ANKS1B: variants seen among roughly 807,000 people sequenced by gnomAD.
The protein encoded by ANKS1B is ankyrin repeat and sterile alpha motif domain containing 1B.
ANKS1B carries 36 observed loss-of-function variants against 148.3 expected under a neutral mutation model. The observed-to-expected ratio is 0.24, with a 90% CI of 0.19 to 0.32. The LOEUF (loss-of-function observed/expected upper bound fraction) is 0.32. Ranked by LOEUF, ANKS1B falls within the 10% of genes least tolerant of loss-of-function variation. The probability of loss-of-function intolerance (pLI) is 1.00; values close to 1 mark genes in which losing one functional copy is unlikely to be tolerated. For synonymous variants in ANKS1B, 542 were observed against 560.8 expected, an observed-to-expected ratio of 0.97 and a Z score of 0.47; for missense variants, 1,157 against 1,542.6, an observed-to-expected ratio of 0.75 and a Z score of 4.19.
chr12:99,974,393 C>A (rs903884359), intron 1 of ANKS1B, among the ~76,000 whole-genome samples: 4 of 152,102 alleles, frequency 2.6e-5, no homozygotes, highest in Non-Finnish European at 5.9e-5. Flanking sequence ...TATGCCTGTA[C>A]ATCTAAGTAA....
At chr12:99,161,535 A>C (rs536257520) in intron 14 of ANKS1B, among the ~76,000 whole-genome samples, 3 of 152,226 alleles carry the variant, frequency 2.0e-5, no homozygotes, top group South Asian at 2.1e-4. Flanking sequence ...CCAAACCAAA[A>C]CAAAAAAATC....
intron 4 of ANKS1B, among the ~76,000 whole-genome samples, chr12:99,783,664 T>C (rs1165740394): frequency 3.9e-5 from 6 of 152,082 alleles, no homozygotes; most frequent in African/African-American, 7.2e-5. Flanking sequence ...CACATATGTG[T>C]GAGCTAAAAA....
intron 1 of ANKS1B, among the ~76,000 whole-genome samples, chr12:99,961,373 G>A (rs967845035): frequency 6.6e-6 from 1 of 152,140 alleles, no homozygotes; most frequent in African/African-American, 2.4e-5. Context: ...TCACAAAATC[G>A]CTGAGGTAAT....
At chr12:98,759,495 T>C (rs1293532937) in intron 25 of ANKS1B, among the ~76,000 whole-genome samples, 3 of 152,174 alleles carry the variant, frequency 2.0e-5, no homozygotes, top group African/African-American at 7.2e-5. Flanking sequence ...AGCATATTCA[T>C]CGGTCTAGTA....
chr12:99,766,135 T>C (rs1004189223), intron 8 of ANKS1B, among the ~76,000 whole-genome samples: 3 of 152,218 alleles, frequency 2.0e-5, no homozygotes, highest in Admixed American at 6.5e-5. Flanking sequence ...CAAGAACATA[T>C]ACACTTTTAT....
chr12:99,737,583 A>C (rs1480215403), intron 8 of ANKS1B, among the ~76,000 whole-genome samples: 1 of 152,024 alleles, frequency 6.6e-6, no homozygotes, highest in Non-Finnish European at 1.5e-5. Context: ...TCCATTGCCT[A>C]GAGGATAAGG....
intron 11 of ANKS1B, among the ~76,000 whole-genome samples, chr12:99,434,199 C>G (rs775384791): frequency 3.3e-5 from 5 of 152,048 alleles, no homozygotes; most frequent in Non-Finnish European, 5.9e-5. Flanking sequence ...GCACCCTGTG[C>G]TGTCAATAAT....
intron 1 of ANKS1B, among the ~76,000 whole-genome samples, chr12:99,937,041 T>G (rs2094794453): frequency 6.6e-6 from 1 of 152,156 alleles, no homozygotes; most frequent in African/African-American, 2.4e-5. Flanking sequence ...TCCCTTAACC[T>G]TAGGCCTAGT....
intron 15 of ANKS1B, among the ~76,000 whole-genome samples, chr12:99,086,707 C>G (rs981111525): frequency 6.6e-6 from 1 of 151,966 alleles, no homozygotes; most frequent in Non-Finnish European, 1.5e-5. Context: ...TCATTTTATC[C>G]CTAGATTTTA....
chr12:99,293,909 C>T lies in ANKS1B; in HGVS notation c.1757-47045G>A, dbSNP rs2724195. On this transcript the variant is annotated intron_variant, in intron 12 of 26. Coordinates refer to ENST00000683438, the MANE Select transcript of ANKS1B (RefSeq NM_001352186.2). ...CAAAAGAAGACATACAAACAGCAAGCGAGTATGTGAAAAGATACTCAACAA... is the reference window on the plus strand; with the variant it reads ...CAAAAGAAGACATACAAACAGCAAGTGAGTATGTGAAAAGATACTCAACAA... 2.3e-3 allele frequency among the ~76,000 whole-genome samples: 345 copies of T among 152,142 alleles called. 2 individuals are homozygous for T. The highest frequency in any genetic ancestry group is 6.1e-3 in the Admixed American group (93 of 15,266).
intron 1 of ANKS1B, among the ~76,000 whole-genome samples, chr12:99,919,316 A>T (rs2094275910): frequency 6.6e-6 from 1 of 152,190 alleles, no homozygotes; most frequent in Non-Finnish European, 1.5e-5. Flanking sequence ...GAAGAAAAAA[A>T]GATTGAAGTA....
chr12:99,084,105 A>G (rs527825401), intron 16 of ANKS1B, among the ~76,000 whole-genome samples: 6 of 152,280 alleles, frequency 3.9e-5, no homozygotes, highest in African/African-American at 1.4e-4. Flanking sequence ...GGGCCTATAC[A>G]TGAACTATAA....
chr12:99,812,350 C>G (rs1565776116), intron 2 of ANKS1B, 39 bp from the exon 3 acceptor site: 1 of 1,590,532 alleles, frequency 6.3e-7, no homozygotes, highest in Admixed American at 1.7e-5. Context: ...ATAGGCTGAG[C>G]AAGACAAACT....
intron 9 of ANKS1B, among the ~76,000 whole-genome samples, chr12:99,591,632 C>A (rs778551882): frequency 3.3e-5 from 5 of 152,088 alleles, no homozygotes; most frequent in Admixed American, 6.6e-5. Context: ...TGTAAAATTG[C>A]CACTCTGGTT....
chr12:98,941,420 G>C (rs73382442), intron 17 of ANKS1B, among the ~76,000 whole-genome samples: 9,398 of 152,252 alleles, frequency 0.062, 650 homozygotes, highest in African/African-American at 0.16. Context: ...CTTGTTTACA[G>C]TATGAGAGCT....
chr12:99,464,846 G>C (rs12308878), intron 10 of ANKS1B, among the ~76,000 whole-genome samples: 6,662 of 152,272 alleles, frequency 0.044, 504 homozygotes, highest in African/African-American at 0.15. Context: ...GGGGAGAATG[G>C]AACCAAGTTG....
intron 8 of ANKS1B, among the ~76,000 whole-genome samples, chr12:99,714,694 G>T (rs906358224): frequency 2.0e-5 from 3 of 152,042 alleles, no homozygotes; most frequent in South Asian, 2.1e-4. Context: ...ACCAGCCTTT[G>T]CCCTGTCTTG....
chr12:98,944,847 T>C (rs1306112001), intron 17 of ANKS1B, among the ~76,000 whole-genome samples: 1 of 152,256 alleles, frequency 6.6e-6, no homozygotes, highest in East Asian at 1.9e-4. Context: ...GTTATCTCCA[T>C]GAAGTCCCGC....
chr12:99,364,880 A>C (rs1057010555), intron 12 of ANKS1B, among the ~76,000 whole-genome samples: 8 of 152,194 alleles, frequency 5.3e-5, no homozygotes, highest in Non-Finnish European at 1.2e-4. Flanking sequence ...CAAGGGTCCT[A>C]GGGGCAGTGA....
Sources: allele counts gnomAD v4.1 joint callset (sites outside exome capture counted in the v4.1 genomes callset), GRCh38; gene constraint gnomAD v4.1.1; transcripts MANE v1.5; gene names NCBI Gene and HGNC (gene_info 2026-07-23, HGNC 2026-07-21).